CHSY3: variants seen among roughly 807,000 people sequenced by gnomAD.
CHSY3 encodes N-acetylgalactosaminyl-proteoglycan 3-beta-glucuronosyltransferase 3.
In CHSY3, 35 loss-of-function variants were observed where a neutral mutation model predicts 67.2. The observed-to-expected ratio is 0.52, with a 90% CI of 0.40 to 0.69. CHSY3 has a LOEUF of 0.69. Ranked by LOEUF, CHSY3 falls within the 30% of genes least tolerant of loss-of-function variation. CHSY3 has a pLI of 0.00. For synonymous variants in CHSY3, 474 were observed against 434.7 expected (o/e 1.09, Z -1.12); for missense variants, 1,069 against 1,138.5 (o/e 0.94, Z 0.88).
chr5:129,949,652 A>G (rs1192781041), intron 2 of CHSY3, among the ~76,000 whole-genome samples: 1 of 152,174 alleles, frequency 6.6e-6, no homozygotes, highest in Non-Finnish European at 1.5e-5. Context: ...AGATGAGGAC[A>G]CTACAAGAAA....
chr5:130,120,776 G>A (rs748297792), intron 2 of CHSY3, among the ~76,000 whole-genome samples: 2 of 152,190 alleles, frequency 1.3e-5, no homozygotes, highest in African/African-American at 2.4e-5. Context: ...AAGAGAGAGA[G>A]AGAAGGAGTG....
intron 2 of CHSY3, among the ~76,000 whole-genome samples, chr5:129,989,402 C>T (rs1763296803): frequency 6.6e-6 from 1 of 151,750 alleles, no homozygotes; most frequent in Non-Finnish European, 1.5e-5. Flanking sequence ...CCTGGGATTA[C>T]AGGCATGCAC....
intron 2 of CHSY3, among the ~76,000 whole-genome samples, chr5:130,096,446 T>C (rs940490647): frequency 2.0e-5 from 3 of 152,068 alleles, no homozygotes; most frequent in African/African-American, 4.8e-5. Context: ...GTGAGAAATA[T>C]TTTAAAAGTT....
intron 2 of CHSY3, among the ~76,000 whole-genome samples, chr5:130,176,266 G>A (rs1207620815): frequency 2.0e-5 from 3 of 152,056 alleles, no homozygotes; most frequent in Non-Finnish European, 2.9e-5. Context: ...CATCATCACT[G>A]GTCATTAGAG....
intron 2 of CHSY3, among the ~76,000 whole-genome samples, chr5:130,138,800 A>G (rs760425308): frequency 2.0e-5 from 3 of 152,216 alleles, no homozygotes; most frequent in Non-Finnish European, 2.9e-5. Context: ...ATACTGTTCC[A>G]GTAGGTTGGA....
intron 2 of CHSY3, among the ~76,000 whole-genome samples, chr5:129,992,345 A>T (rs1194146243): frequency 6.6e-6 from 1 of 152,210 alleles, no homozygotes; most frequent in African/African-American, 2.4e-5. Context: ...GGAAGGAATG[A>T]GTATGTCCCC....
chr5:130,013,041 A>G (rs4541692), intron 2 of CHSY3, among the ~76,000 whole-genome samples: 151,587 of 151,998 alleles, frequency 1, 75,589 homozygotes, highest in Middle Eastern at 1. Flanking sequence ...AGAAATTGGC[A>G]AAAACAAAGG....
chr5:130,045,526 G>A (rs1765121735), intron 2 of CHSY3, among the ~76,000 whole-genome samples: 1 of 152,032 alleles, frequency 6.6e-6, no homozygotes, highest in East Asian at 1.9e-4. Context: ...GGTTGCTAGT[G>A]ACACAAGGAT....
rs10699248 is a variant in CHSY3, at chr5:130,178,253, A to ATTTTTTTTTTTTTT, written c.1087-5972_1087-5959dup. 4.1e-4 allele frequency among the ~76,000 whole-genome samples: 19 copies of ATTTTTTTTTTTTTT among 45,910 alleles called. No homozygotes were observed. The East Asian group carries it at 6.5e-3, about 16-fold the overall frequency. 30.1% of individuals were successfully genotyped at this position (45,910 alleles called of 152,430 possible). A position where few individuals can be genotyped will look rare whatever the true frequency, so the allele number is the denominator to read the frequency against. On this transcript the variant is annotated intron_variant, in intron 2 of 2. Transcript: ENST00000305031. ...TATATATATATATATATATATATATATTTTTTTTTTTTTTTTTCCTGAGAC... is the reference window on the plus strand; with the variant it reads ...TATATATATATATATATATATATATATTTTTTTTTTTTTTTTTTTTTTTTTTTTTTTCCTGAGAC...
intron 2 of CHSY3, among the ~76,000 whole-genome samples, chr5:130,133,655 C>T (rs887545295): frequency 1.3e-5 from 2 of 151,258 alleles, no homozygotes; most frequent in African/African-American, 2.4e-5. Flanking sequence ...ATCTGTAATC[C>T]CAGCTACTTG....
intron 2 of CHSY3, among the ~76,000 whole-genome samples, chr5:129,945,051 A>C (rs1231696490): frequency 6.6e-6 from 1 of 152,240 alleles, no homozygotes; most frequent in African/African-American, 2.4e-5. Context: ...ATTTCTTTGA[A>C]TTTATCTATG....
chr5:130,061,178 C>A (rs969499512), intron 2 of CHSY3, among the ~76,000 whole-genome samples: 1 of 151,982 alleles, frequency 6.6e-6, no homozygotes, highest in South Asian at 2.1e-4. Flanking sequence ...AAGGCCATAG[C>A]AACTAAAATA....
chr5:130,148,443 T>A (rs115834308), intron 2 of CHSY3, among the ~76,000 whole-genome samples: 2 of 152,228 alleles, frequency 1.3e-5, no homozygotes, highest in African/African-American at 4.8e-5. Flanking sequence ...ACGGTAGCTC[T>A]GCTTTCAGGT....
At chr5:130,000,919 C>T (rs1439004981) in intron 2 of CHSY3, among the ~76,000 whole-genome samples, 10 of 143,544 alleles carry the variant, frequency 7.0e-5, no homozygotes, top group African/African-American at 1.0e-4. Context: ...GACAGAGTCT[C>T]GCTCTGTCAC....
intron 2 of CHSY3, among the ~76,000 whole-genome samples, chr5:130,089,404 T>A (rs1462303715): frequency 2.6e-5 from 4 of 151,798 alleles, no homozygotes; most frequent in Non-Finnish European, 4.4e-5. Flanking sequence ...AATAAAAAAA[T>A]TTAAAAAGTA....
At chr5:130,058,698 A>G (rs1765614651) in intron 2 of CHSY3, among the ~76,000 whole-genome samples, 1 of 152,252 alleles carries the variant, frequency 6.6e-6, no homozygotes, top group Non-Finnish European at 1.5e-5. Flanking sequence ...TTCTATTTTC[A>G]GCTATCAGTT....
chr5:129,969,819 G>T (rs1166024261), intron 2 of CHSY3, among the ~76,000 whole-genome samples: 1 of 151,806 alleles, frequency 6.6e-6, no homozygotes, highest in Non-Finnish European at 1.5e-5. Context: ...GAGAAAAATA[G>T]TTTACTTTAA....
intron 2 of CHSY3, among the ~76,000 whole-genome samples, chr5:129,991,166 T>C (rs1763352323): frequency 6.6e-6 from 1 of 152,156 alleles, no homozygotes; most frequent in Non-Finnish European, 1.5e-5. Context: ...AAGAATAGCA[T>C]AACTGAATTT....
chr5:130,178,253 A>ATATTTTTTTTTTTTTTTTT (rs1205782386), intron 2 of CHSY3, among the ~76,000 whole-genome samples: 1 of 45,912 alleles, frequency 2.2e-5, no homozygotes, highest in East Asian at 9.2e-4. Context: ...ATATATATAT[A>ATATTTTTTTTTTTTTTTTT]TTTTTTTTTT....
Sources: allele counts gnomAD v4.1 joint callset (sites outside exome capture counted in the v4.1 genomes callset), GRCh38; gene constraint gnomAD v4.1.1; transcripts MANE v1.5; gene names NCBI Gene and HGNC (gene_info 2026-07-23, HGNC 2026-07-21).